CCNJL: variants seen among roughly 807,000 people sequenced by gnomAD.
CCNJL encodes the protein cyclin J like.
A neutral mutation model predicts 33.4 loss-of-function variants in CCNJL; 33 were observed. The observed-to-expected ratio is 0.99, with a 90% CI of 0.75 to 1.32. The LOEUF (loss-of-function observed/expected upper bound fraction) is 1.32, where lower values mean the gene tolerates loss of function less well. Among genes scored for constraint, CCNJL ranks in the 40% most tolerant of loss-of-function variants. CCNJL has a pLI of 0.00. For missense variants in CCNJL, 512 were observed against 499.7 expected (o/e 1.02, Z -0.23); for synonymous variants, 227 against 220.9 (o/e 1.03, Z -0.24).
intron 2 of CCNJL, among the ~76,000 whole-genome samples, chr5:160,299,754 T>C (rs1762866785): frequency 1.3e-5 from 2 of 152,256 alleles, no homozygotes; most frequent in African/African-American, 4.8e-5. Flanking sequence ...ATTTGTGTTA[T>C]CTTTTTAAAT....
chr5:160,308,212 C>T (rs1288544054), intron 2 of CCNJL, among the ~76,000 whole-genome samples: 3 of 152,348 alleles, frequency 2.0e-5, no homozygotes, highest in East Asian at 3.9e-4. Flanking sequence ...GGTGCAATGC[C>T]TGCCAAGTAC....
chr5:160,331,174 C>A (rs1272008523), intron 1 of CCNJL, among the ~76,000 whole-genome samples: 1 of 152,054 alleles, frequency 6.6e-6, no homozygotes, highest in Admixed American at 6.6e-5. Context: ...AGGACCCAGA[C>A]CCCAGTTATC....
At chr5:160,339,130 A>G (rs978996367) in intron 1 of CCNJL, among the ~76,000 whole-genome samples, 8 of 152,214 alleles carry the variant, frequency 5.3e-5, no homozygotes, top group African/African-American at 1.9e-4. Context: ...AAAATTAACC[A>G]CAGTGCCATG....
chr5:160,253,946 G>C, intron 5 of CCNJL, 148 bp from the exon 6 acceptor site: 1 of 575,776 alleles, frequency 1.7e-6, no homozygotes, highest in Non-Finnish European at 2.9e-6. Context: ...ACTGTGTGTG[G>C]CACCGCTCCA....
chr5:160,279,197 G>A (rs559247137), intron 3 of CCNJL, among the ~76,000 whole-genome samples: 1 of 152,290 alleles, frequency 6.6e-6, no homozygotes, highest in African/African-American at 2.4e-5. Flanking sequence ...CCATAGTCCT[G>A]CAGCACCAAG....
At chr5:160,278,291 C>T (rs72812241) in intron 3 of CCNJL, among the ~76,000 whole-genome samples, 4,370 of 152,246 alleles carry the variant, frequency 0.029, 81 homozygotes, top group Non-Finnish European at 0.044. Flanking sequence ...TGAGCCACCG[C>T]GCCCAGCCTT....
At chr5:160,271,562 T>C (rs1214872687) in intron 3 of CCNJL, among the ~76,000 whole-genome samples, 1 of 152,098 alleles carries the variant, frequency 6.6e-6, no homozygotes, top group Non-Finnish European at 1.5e-5. Flanking sequence ...GAACAGGAAA[T>C]GGAAAATCAC....
chr5:160,296,132 G>GCA (rs3046472), intron 2 of CCNJL, among the ~76,000 whole-genome samples: 73,800 of 151,956 alleles, frequency 0.49, 19,314 homozygotes, highest in African/African-American at 0.69. Context: ...GAATAAACAT[G>GCA]CAGATATTCA....
intron 3 of CCNJL, among the ~76,000 whole-genome samples, chr5:160,263,975 A>T (rs1353859763): frequency 7.2e-6 from 1 of 138,416 alleles, no homozygotes; most frequent in Non-Finnish European, 1.5e-5. Context: ...ATAGGGTCTC[A>T]CTCCTGTCGC....
At chr5:160,280,798 G>T in intron 2 of CCNJL, 60 bp from the exon 3 acceptor site, 2 of 1,191,520 alleles carry the variant, frequency 1.7e-6, no homozygotes, top group Non-Finnish European at 1.2e-6. Flanking sequence ...AGTCTCGGCT[G>T]TCCCAGGAAA....
At chr5:160,274,083 T>C (rs1761930004) in intron 3 of CCNJL, among the ~76,000 whole-genome samples, 1 of 152,166 alleles carries the variant, frequency 6.6e-6, no homozygotes, top group South Asian at 2.1e-4. Context: ...TTCCCAGGGG[T>C]TACCTGGGAT....
At chr5:160,313,071 C>T (rs1281525309), upstream of CCNJL, 1 of 152,198 alleles carries the variant, frequency 6.6e-6, no homozygotes, top group Non-Finnish European at 1.5e-5. Flanking sequence ...ACCCACGAGT[C>T]CCTAATTCTA....
intron 2 of CCNJL, among the ~76,000 whole-genome samples, chr5:160,299,583 T>C (rs1036096048): frequency 6.6e-6 from 1 of 151,718 alleles, no homozygotes; most frequent in African/African-American, 2.4e-5. Flanking sequence ...GTAATTATTT[T>C]AGGTGTGAAA....
In CCNJL at chr5:160,294,235, A is replaced by C. The variant is rs117802788; in HGVS notation, c.67-13497T>G. Among the ~76,000 whole-genome samples, 204 of 152,302 alleles carry C rather than the reference A, an allele frequency of 1.3e-3. 6 individuals are homozygous for C. In the East Asian group the frequency reaches 0.037, roughly 28 times the overall value. ...TTCCTCTCTCTGCCCCGATTGCTTC[A>C]TAAGGCCCAAGGAAGCATTTTCCGT... On this transcript the variant is annotated intron_variant, in intron 2 of 5. Transcript: ENST00000257536.
intron 2 of CCNJL, among the ~76,000 whole-genome samples, chr5:160,287,094 G>A (rs757241881): frequency 8.5e-5 from 13 of 152,222 alleles, no homozygotes; most frequent in East Asian, 1.9e-4. Flanking sequence ...GTTCTGGGTC[G>A]GAATCTTAGT....
chr5:160,292,289 T>G (rs974060762), intron 2 of CCNJL, among the ~76,000 whole-genome samples: 1 of 152,180 alleles, frequency 6.6e-6, no homozygotes, highest in African/African-American at 2.4e-5. Context: ...ATGAGATATA[T>G]AGATATCTCT....
chr5:160,294,196 G>A (rs1762676732), intron 2 of CCNJL, among the ~76,000 whole-genome samples: 1 of 152,192 alleles, frequency 6.6e-6, no homozygotes, highest in Non-Finnish European at 1.5e-5. Flanking sequence ...AGCAAGGCAG[G>A]AGGCTCACCC....
At chr5:160,324,512 G>A (rs1763511074) in intron 1 of CCNJL, among the ~76,000 whole-genome samples, 1 of 152,204 alleles carries the variant, frequency 6.6e-6, no homozygotes, top group Non-Finnish European at 1.5e-5. Flanking sequence ...GGTGAAAGTT[G>A]CAGTGAGCTG....
intron 4 of CCNJL, 108 bp from the exon 5 acceptor site, chr5:160,255,816 C>T (rs1159861999): frequency 1.1e-6 from 1 of 917,880 alleles, no homozygotes; most frequent in Admixed American, 2.4e-5. Flanking sequence ...CTTTTCATCG[C>T]TGCCCTACAA....
Sources: gnomAD v4.1 joint callset for allele counts (sites outside exome capture counted in the v4.1 genomes callset) on GRCh38, gnomAD v4.1.1 for gene constraint, MANE v1.5 for transcripts, NCBI Gene and HGNC (gene_info 2026-07-23, HGNC 2026-07-21) for gene names.